Variants in OTOA observed in about 807,000 individuals in gnomAD.
OTOA encodes the protein otoancorin.
OTOA carries 70 observed loss-of-function variants against 110.8 expected under a neutral mutation model. That is an observed-to-expected ratio of 0.63 (90% CI 0.52 to 0.77). The LOEUF is 0.77. OTOA is among the 30% of genes least tolerant of loss of function. The pLI is 0.00. For missense variants in OTOA, 917 were observed against 1,075.8 expected (o/e 0.85, Z 2.06); for synonymous variants, 373 against 431.5 (o/e 0.86, Z 1.68).
rs1185178266 is a variant in OTOA at position 21,752,369 on chromosome 16, G to T, written c.2919G>T (p.Arg973Ser). The T allele has an allele frequency of 7.6e-6, 4 of 528,794 alleles. 1 individual carries two copies. The highest frequency in any genetic ancestry group is 7.1e-5 in the South Asian group (4 of 56,516). 32.8% of individuals were successfully genotyped at this position (528,794 alleles called of 1,614,324 possible). ...TCCCTCCCTCTTTAACCACTACCAG[G>T]GTGGTAGTGGCCAGAATTGGGACCC... Reference protein sequence around the residue: ...EIPLIKISEFRVVVARIGTLL... With the variant: ...EIPLIKISEFSVVVARIGTLL... The change falls in exon 26 of 29, where the codon AGG becomes AGT. Residue 973 changes from arginine (R) to serine (S), a missense_variant and splice_region_variant. This residue lies in a region of OTOA where 57 missense variants were observed against 59.7 expected (regional missense o/e 0.96). Transcript: ENST00000646100.
intron 1 of OTOA, among the ~76,000 whole-genome samples, chr16:21,670,723 T>G (rs868538202): frequency 1.3e-5 from 2 of 152,162 alleles, no homozygotes; most frequent in Middle Eastern, 3.2e-3. Flanking sequence ...TACACAAACA[T>G]AAATATGTAT....
intron 6 of OTOA, among the ~76,000 whole-genome samples, chr16:21,682,538 G>C (rs1050673292): frequency 1.3e-4 from 20 of 152,228 alleles, no homozygotes; most frequent in African/African-American, 4.8e-4. Context: ...CAAGCGTGTT[G>C]ATAGGTGGCA....
intron 24 of OTOA, among the ~76,000 whole-genome samples, chr16:21,750,154 C>A: frequency 6.6e-6 from 1 of 152,286 alleles, no homozygotes; most frequent in Non-Finnish European, 1.5e-5. Context: ...GTGGCTCATA[C>A]CTGTAGTCCT....
At position 21,728,305 on chromosome 16, in the gene OTOA, C is replaced by T; in HGVS notation, c.2081C>T (p.Ala694Val). 6.2e-7 allele frequency: 1 copy of T among 1,614,176 alleles called. No homozygotes were observed. The change falls in exon 20 of 29, where the codon GCA (alanine) becomes GTA (valine). Residue 694 changes from alanine (A) to valine (V), a missense_variant. Physicochemically the swap from Ala to Val is moderately conservative, Grantham distance 64. Around this residue, in one of 6 missense-constraint regions of OTOA, gnomAD observed 840 missense variants for 910.2 expected, o/e 0.92. Transcript: ENST00000646100. ...GGGAACCTGCTGTGTCACTTGCCGG[C>T]AGCCATCATCGACAGGGGGATCTCC... ...IMGNLLCHLP[A>V]AIIDRGISPR...
intron 1 of OTOA, among the ~76,000 whole-genome samples, chr16:21,671,665 C>T (rs746013030): frequency 2.6e-5 from 4 of 151,152 alleles, no homozygotes; most frequent in Non-Finnish European, 4.4e-5. Context: ...TAGTAAGTGG[C>T]GGAGACGTGA....
intron 18 of OTOA, among the ~76,000 whole-genome samples, chr16:21,725,221 T>G (rs1185429391): frequency 6.6e-6 from 1 of 152,206 alleles, no homozygotes; most frequent in Non-Finnish European, 1.5e-5. Context: ...TGTAGATATT[T>G]GCTGGATGAA....
At chr16:21,726,804 C>G (rs1400170610) in intron 19 of OTOA, 146 bp downstream of exon 19, 6 of 1,174,662 alleles carry the variant, frequency 5.1e-6, no homozygotes, top group Non-Finnish European at 7.5e-6. Flanking sequence ...TCTAAAGTTG[C>G]TGGTTGGAAC....
chr16:21,709,020 A>C (rs575512521), intron 12 of OTOA, among the ~76,000 whole-genome samples: 2 of 152,220 alleles, frequency 1.3e-5, no homozygotes, highest in East Asian at 3.8e-4. Flanking sequence ...AAAACTATGT[A>C]GTGTCTCTAT....
chr16:21,677,583 G>A (rs1348264924), intron 1 of OTOA, among the ~76,000 whole-genome samples: 2 of 147,394 alleles, frequency 1.4e-5, no homozygotes, highest in Non-Finnish European at 3.0e-5. Flanking sequence ...CAGGGTTCAC[G>A]CCATTCTTCT....
intron 5 of OTOA, among the ~76,000 whole-genome samples, chr16:21,679,932 A>G (rs1055141730): frequency 6.6e-6 from 1 of 152,152 alleles, no homozygotes; most frequent in African/African-American, 2.4e-5. Flanking sequence ...TTGCATTATA[A>G]GCTGCATACA....
chr16:21,678,948 G>A lies in OTOA; in HGVS notation c.120+5G>A, dbSNP rs1343940269. On this transcript the variant is annotated splice_donor_5th_base_variant and intron_variant, in intron 3 of 28. Transcript: ENST00000646100. Reference sequence around the variant, plus strand: ...CCATTGTTGCAAAACATGGCGGTGAGTATTCTATTTTCTGTTAATCAGAGT... The same window carrying A: ...CCATTGTTGCAAAACATGGCGGTGAATATTCTATTTTCTGTTAATCAGAGT... 1.2e-6 allele frequency: 2 copies of A among 1,613,834 alleles called. No individual in the cohort carries two copies. The highest frequency in any genetic ancestry group is 1.7e-6 in the Non-Finnish European group (2 of 1,179,958).
At chr16:21,698,430 A>G (rs1897986945) in intron 10 of OTOA, among the ~76,000 whole-genome samples, 1 of 152,160 alleles carries the variant, frequency 6.6e-6, no homozygotes, top group African/African-American at 2.4e-5. Flanking sequence ...TGTTGACCCA[A>G]TGACACTAAA....
At chr16:21,707,112 G>A (rs1898190663) in intron 12 of OTOA, among the ~76,000 whole-genome samples, 1 of 151,816 alleles carries the variant, frequency 6.6e-6, no homozygotes, top group African/African-American at 2.4e-5. Flanking sequence ...TGATCCACCT[G>A]CCTTGGCCTC....
chr16:21,717,969 T>C (rs968249516), intron 15 of OTOA, among the ~76,000 whole-genome samples: 1 of 152,154 alleles, frequency 6.6e-6, no homozygotes, highest in African/African-American at 2.4e-5. Flanking sequence ...TTCTGTTTTA[T>C]TTTTTGAGAC....
At chr16:21,675,695 T>C (rs890669770) in intron 1 of OTOA, among the ~76,000 whole-genome samples, 8 of 152,182 alleles carry the variant, frequency 5.3e-5, no homozygotes, top group Non-Finnish European at 7.3e-5. Flanking sequence ...ATTGTATTTT[T>C]ATCTCTAGAA....
chr16:21,733,601 G>T (rs1161390017), intron 21 of OTOA, among the ~76,000 whole-genome samples: 1 of 150,370 alleles, frequency 6.7e-6, no homozygotes, highest in African/African-American at 2.4e-5. Flanking sequence ...GAGCCTGATG[G>T]ATTATCTGGG....
intron 7 of OTOA, among the ~76,000 whole-genome samples, chr16:21,686,206 G>A (rs1033216277): frequency 1.3e-5 from 2 of 152,042 alleles, no homozygotes; most frequent in East Asian, 3.9e-4. Context: ...GGGCTTAACC[G>A]GTAGGATTGT....
Position 21,687,604 on chromosome 16 carries a change from AGAGCGGCTCCCTCGG to A in OTOA, c.594_608del (p.Glu198_Arg202del), listed in dbSNP as rs773105662. 5.0e-6 allele frequency: 8 copies of A among 1,613,078 alleles called. No homozygotes were observed. The highest frequency in any genetic ancestry group is 6.8e-6 in the Non-Finnish European group (8 of 1,179,916). Reference sequence around the variant, plus strand: ...GGAGCTTTCTCCAGCCAGACATCACAGAGCGGCTCCCTCGGGACCTGCGCGAGGATGCCTTTAAGA... The same window carrying A: ...GGAGCTTTCTCCAGCCAGACATCACAGACCTGCGCGAGGATGCCTTTAAGA... On this transcript the variant is annotated inframe_deletion, in exon 8 of 29. Transcript: ENST00000646100.
intron 10 of OTOA, among the ~76,000 whole-genome samples, chr16:21,699,309 G>A (rs1898004587): frequency 1.3e-5 from 2 of 152,158 alleles, no homozygotes; most frequent in Non-Finnish European, 2.9e-5. Context: ...ACAACTTTAT[G>A]AGCCCCTTTG....
Sources: gnomAD v4.1 joint callset for allele counts (sites outside exome capture counted in the v4.1 genomes callset) on GRCh38, gnomAD v4.1.1 for gene constraint, gnomAD v4.1.1 regional missense constraint, MANE v1.5 for transcripts, NCBI Gene and HGNC (gene_info 2026-07-23, HGNC 2026-07-21) for gene names.